ADAM17: variants seen among roughly 807,000 people sequenced by gnomAD.
ADAM17 encodes the protein disintegrin and metalloproteinase domain-containing protein 17.
A neutral mutation model predicts 96.7 loss-of-function variants in ADAM17; 39 were observed. The ratio of observed to expected loss-of-function variants is 0.40; its 90% CI spans 0.31 to 0.53. The LOEUF (loss-of-function observed/expected upper bound fraction) is 0.53. Among genes scored for constraint, ADAM17 ranks in the 20% least tolerant of loss-of-function variants. ADAM17 has a pLI of 0.44. For missense variants in ADAM17, 777 were observed against 1,013.2 expected, an observed-to-expected ratio of 0.77 and a Z score of 3.17; for synonymous variants, 344 against 359.2, an observed-to-expected ratio of 0.96 and a Z score of 0.48.
intron 8 of ADAM17, among the ~76,000 whole-genome samples, chr2:9,520,912 C>G (rs1301079615): frequency 7.6e-6 from 1 of 131,108 alleles, no homozygotes; most frequent in African/African-American, 2.9e-5. Context: ...TGCGGTGAGC[C>G]AAGATCACGC....
At chr2:9,539,495 C>G (rs1228871320) in intron 2 of ADAM17, among the ~76,000 whole-genome samples, 3 of 152,116 alleles carry the variant, frequency 2.0e-5, no homozygotes, top group Admixed American at 2.0e-4. Context: ...TCTTAAGTTA[C>G]TTCAACTCTT....
At chr2:9,536,637 A>G in intron 3 of ADAM17, 61 bp downstream of exon 3, 1 of 1,596,938 alleles carries the variant, frequency 6.3e-7, no homozygotes, top group East Asian at 2.2e-5. Context: ...TATGCAATCA[A>G]GTTAGATTTG....
In ADAM17 at chr2:9,503,569, A is replaced by ACC. The variant is rs748498228; in HGVS notation, c.1545-1294_1545-1293insGG. 2.2e-3 allele frequency among the ~76,000 whole-genome samples: 335 copies of ACC among 152,298 alleles called. 1 individual carries two copies. Among genetic ancestry groups the ACC allele is most frequent in the Non-Finnish European group, 1.3e-3 (87 of 68,014 alleles). On this transcript the variant is annotated intron_variant, in intron 12 of 18. Coordinates refer to ENST00000310823, the MANE Select transcript of ADAM17 (RefSeq NM_003183.6). ...AAAGATTCTTTGGGCAGCCAGGAGC[A>ACC]GTGGCTCACGCCTGTAATCCCAACA...
intron 12 of ADAM17, among the ~76,000 whole-genome samples, chr2:9,504,763 G>GAAA (rs55649546): frequency 1.7e-5 from 2 of 117,790 alleles, no homozygotes; most frequent in South Asian, 5.5e-4. Context: ...TCTGTCTCAG[G>GAAA]AAAAAAAAAA....
At chr2:9,516,726 C>T (rs1334555033) in intron 10 of ADAM17, among the ~76,000 whole-genome samples, 1 of 152,068 alleles carries the variant, frequency 6.6e-6, no homozygotes, top group Non-Finnish European at 1.5e-5. Flanking sequence ...GCCCTCCAGA[C>T]TGGGCCACAG....
Position 9,505,222 on chromosome 2 carries a change from C to T in ADAM17, c.1488G>A (p.Leu496=). Residue 496 remains leucine (L), a synonymous_variant, in exon 12 of 19, where the codon CTG becomes CTA. Transcript: ENST00000310823. ...CGCTGTTGCAGCAGGTGTCGTTGTT[C>T]AGATACATGATGCCAGGATCACACT... is the stretch of plus-strand genomic sequence containing the variant. ...GEECDPGIMY[L]NNDTCCNSDC... is the part of the protein sequence containing the mutation. 1.2e-6 allele frequency: 2 copies of T among 1,614,188 alleles called. No individual in the cohort carries two copies. Among genetic ancestry groups the T allele is most frequent in the Non-Finnish European group, 1.7e-6 (2 of 1,180,036 alleles).
chr2:9,503,159 G>GAA (rs1004977948), intron 12 of ADAM17, among the ~76,000 whole-genome samples: 1 of 139,312 alleles, frequency 7.2e-6, no homozygotes, highest in Admixed American at 7.2e-5. Flanking sequence ...AAAAGACAAG[G>GAA]AAAAAAAAAA....
At chr2:9,541,954 C>T (rs574243705) in intron 2 of ADAM17, among the ~76,000 whole-genome samples, 7 of 152,190 alleles carry the variant, frequency 4.6e-5, no homozygotes, top group Middle Eastern at 3.4e-3. Context: ...GCACAAGAAT[C>T]GCTTGAACCC....
chr2:9,543,383 A>T (rs763998254), intron 1 of ADAM17, 98 bp from the exon 2 acceptor site: 9 of 1,135,902 alleles, frequency 7.9e-6, no homozygotes, highest in Non-Finnish European at 9.3e-6. Context: ...TTCCTGATGT[A>T]ATCCATTAGG....
At position 9,505,279 on chromosome 2, in the gene ADAM17, A is replaced by G; in HGVS notation, c.1431T>C (p.Val477=). The G allele has an allele frequency of 6.2e-7, 1 of 1,614,182 alleles. No homozygotes were observed. Among genetic ancestry groups the G allele is most frequent in the South Asian group, 1.1e-5 (1 of 91,088 alleles). Residue 477 remains valine, a synonymous_variant, in exon 12 of 19, where the codon GTT becomes GTC. Coordinates refer to ENST00000310823, the MANE Select transcript of ADAM17 (RefSeq NM_003183.6). ...QECFQERSNK[V]CGNSRVDEGE... ...CTTCATCCACCCTCGAGTTCCCACA[A>G]ACTTTATTGCTGCGTTCTTGAAAAC...
intron 8 of ADAM17, among the ~76,000 whole-genome samples, chr2:9,520,825 G>A (rs758502857): frequency 5.9e-5 from 9 of 151,732 alleles, no homozygotes; most frequent in African/African-American, 1.9e-4. Context: ...TTAGCCGGCC[G>A]TGGTGGTGCA....
At chr2:9,497,725 T>A (rs1290467995) in intron 13 of ADAM17, among the ~76,000 whole-genome samples, 3 of 152,184 alleles carry the variant, frequency 2.0e-5, no homozygotes, top group African/African-American at 7.2e-5. Flanking sequence ...TGCTGGTGTT[T>A]CCACTCTTTT....
intron 11 of ADAM17, among the ~76,000 whole-genome samples, chr2:9,507,799 C>T (rs528320173): frequency 2.6e-4 from 39 of 152,146 alleles, no homozygotes; most frequent in African/African-American, 8.4e-4. Context: ...GGCTCACTGC[C>T]GCCTTGAACT....
chr2:9,546,082 G>A (rs1473547819), intron 1 of ADAM17, among the ~76,000 whole-genome samples: 1 of 145,054 alleles, frequency 6.9e-6, no homozygotes, highest in Non-Finnish European at 1.5e-5. Context: ...TGGGTGACAG[G>A]ATGAGACCCA....
At chr2:9,529,315 G>A (rs1328757271) in intron 4 of ADAM17, among the ~76,000 whole-genome samples, 1 of 152,254 alleles carries the variant, frequency 6.6e-6, no homozygotes, top group African/African-American at 2.4e-5. Context: ...GTCAGGCATG[G>A]TGGCAGGAGC....
intron 18 of ADAM17, 57 bp downstream of exon 18, chr2:9,491,044 G>A: frequency 6.6e-7 from 1 of 1,509,568 alleles, no homozygotes. Flanking sequence ...GAAGGTCTTT[G>A]CCTAACAGGG....
At chr2:9,513,448 C>T (rs1368122587) in intron 10 of ADAM17, among the ~76,000 whole-genome samples, 3 of 152,216 alleles carry the variant, frequency 2.0e-5, no homozygotes, top group Non-Finnish European at 4.4e-5. Context: ...GTTCTGGAGG[C>T]TCAGACTTGT....
At chr2:9,514,570 A>ATATATATAT (rs1663954843) in intron 10 of ADAM17, among the ~76,000 whole-genome samples, 10 of 92,858 alleles carry the variant, frequency 1.1e-4, no homozygotes, top group East Asian at 4.1e-4. Context: ...TATATATATA[A>ATATATATAT]ATAAAAAGAG....
chr2:9,523,917 C>T (rs1664413152), intron 6 of ADAM17, among the ~76,000 whole-genome samples: 2 of 151,332 alleles, frequency 1.3e-5, no homozygotes, highest in Non-Finnish European at 2.9e-5. Context: ...GCTCTGTCAC[C>T]AGGGGTGCAG....
Sources: gnomAD v4.1 joint callset for allele counts (sites outside exome capture counted in the v4.1 genomes callset) on GRCh38, gnomAD v4.1.1 for gene constraint, MANE v1.5 for transcripts, NCBI Gene and HGNC (gene_info 2026-07-23, HGNC 2026-07-21) for gene names.